The following ZEB1 variants were observed in gnomAD, a reference collection of about 807,000 sequenced individuals.
ZEB1 encodes zinc finger E-box binding homeobox 1.
In ZEB1, 21 loss-of-function variants were observed where a neutral mutation model predicts 84.9. The ratio of observed to expected loss-of-function variants is 0.25; its 90% CI spans 0.18 to 0.36. The LOEUF (loss-of-function observed/expected upper bound fraction) is 0.36. ZEB1 is among the 10% of genes least tolerant of loss of function. The pLI, the probability that ZEB1 is intolerant of heterozygous loss-of-function variation, is 1.00. For missense variants in ZEB1, 1,104 were observed against 1,330.2 expected (o/e 0.83, Z 2.65); for synonymous variants, 420 against 471.1 (o/e 0.89, Z 1.41).
chr10:31,527,172 G>GAT lies in ZEB1; in HGVS notation c.3287_3288dup (p.Asp1097MetfsTer11), dbSNP rs776550101. On this transcript the variant is annotated frameshift_variant, in exon 9 of 9. Coordinates refer to ENST00000424869, the MANE Select transcript of ZEB1 (RefSeq NM_001174096.2). LOFTEE classifies it low-confidence loss of function (END_TRUNC). ...AGCAAAAACTGAAGGTCTGATGAAG[G>GAT]ATGACAGGGCTGAAAGTCAAGCAAG... 6.2e-7 allele frequency: 1 copy of GAT among 1,611,444 alleles called. No individual in the cohort carries two copies. Among genetic ancestry groups the GAT allele is most frequent in the South Asian group, 1.1e-5 (1 of 90,714 alleles).
intron 1 of ZEB1, among the ~76,000 whole-genome samples, chr10:31,460,765 A>T (rs1459333520): frequency 6.6e-6 from 1 of 152,150 alleles, no homozygotes; most frequent in Admixed American, 6.6e-5. Context: ...TAAGGCTGTT[A>T]TAAGATTGTT....
chr10:31,523,599 AT>A (rs1385561355), intron 7 of ZEB1, among the ~76,000 whole-genome samples: 1 of 152,258 alleles, frequency 6.6e-6, no homozygotes, highest in African/African-American at 2.4e-5. Flanking sequence ...TAAAGTAATG[AT>A]TCACATGAAA....
intron 1 of ZEB1, among the ~76,000 whole-genome samples, chr10:31,367,748 T>C (rs141504011): frequency 1.9e-4 from 29 of 152,280 alleles, no homozygotes; most frequent in Non-Finnish European, 3.7e-4. Context: ...CTTATATAAA[T>C]TGAAGTATCA....
intron 1 of ZEB1, chr10:31,389,767 T>G (rs1333717281): frequency 6.6e-6 from 1 of 152,158 alleles, no homozygotes; most frequent in African/African-American, 2.4e-5. Flanking sequence ...TCATTACATT[T>G]TATTTAACCC....
chr10:31,406,464 T>C (rs907139218), intron 1 of ZEB1, among the ~76,000 whole-genome samples: 2 of 151,844 alleles, frequency 1.3e-5, no homozygotes, highest in East Asian at 1.9e-4. Context: ...TTTTTTTTTT[T>C]CATATATTTT....
chr10:31,360,669 A>G (rs1327593188), intron 1 of ZEB1, among the ~76,000 whole-genome samples: 2 of 152,260 alleles, frequency 1.3e-5, no homozygotes, highest in Non-Finnish European at 2.9e-5. Context: ...TGCAAGAAAT[A>G]TATTTTAAAT....
At chr10:31,363,947 G>C (rs767018138) in intron 1 of ZEB1, 2 of 1,297,746 alleles carry the variant, frequency 1.5e-6, no homozygotes, top group Non-Finnish European at 9.9e-7. Context: ...GGGTGAGCCC[G>C]GCCAGCTGGG....
At chr10:31,458,482 G>A (rs954040464) in intron 1 of ZEB1, among the ~76,000 whole-genome samples, 1 of 152,070 alleles carries the variant, frequency 6.6e-6, no homozygotes, top group African/African-American at 2.4e-5. Context: ...CCCACACACG[G>A]ACTTCACTCT....
chr10:31,397,161 T>TATTATG (rs2050915992), intron 1 of ZEB1, among the ~76,000 whole-genome samples: 3 of 60,310 alleles, frequency 5.0e-5, no homozygotes, highest in South Asian at 5.3e-4. Flanking sequence ...TTGGGTTTTT[T>TATTATG]ATTATTATTA....
intron 1 of ZEB1, among the ~76,000 whole-genome samples, chr10:31,379,589 G>A (rs1054316214): frequency 1.3e-5 from 2 of 151,776 alleles, no homozygotes; most frequent in African/African-American, 2.4e-5. Flanking sequence ...GCAGTCTGCC[G>A]TATCTTTTGC....
At chr10:31,328,271 T>A (rs2036025930) in intron 1 of ZEB1, among the ~76,000 whole-genome samples, 1 of 152,166 alleles carries the variant, frequency 6.6e-6, no homozygotes, top group Admixed American at 6.5e-5. Flanking sequence ...AGAGTTTGGG[T>A]TGATCCTGTA....
At chr10:31,390,815 A>G (rs906186427) in intron 1 of ZEB1, among the ~76,000 whole-genome samples, 2 of 152,230 alleles carry the variant, frequency 1.3e-5, no homozygotes, top group African/African-American at 2.4e-5. Flanking sequence ...CAGTTCAGCA[A>G]TCAGTCTCCT....
At chr10:31,501,691 A>G (rs2068154807) in intron 3 of ZEB1, among the ~76,000 whole-genome samples, 1 of 152,106 alleles carries the variant, frequency 6.6e-6, no homozygotes, top group African/African-American at 2.4e-5. Context: ...AAATACTTAT[A>G]TATACTATAC....
intron 1 of ZEB1, among the ~76,000 whole-genome samples, chr10:31,388,953 A>G (rs902723454): frequency 4.6e-5 from 7 of 152,138 alleles, no homozygotes; most frequent in African/African-American, 1.7e-4. Flanking sequence ...CTTGTAATCT[A>G]AGAAGTCTCC....
chr10:31,348,583 G>GA (rs1491067446), intron 1 of ZEB1, among the ~76,000 whole-genome samples: 2 of 150,662 alleles, frequency 1.3e-5, no homozygotes, highest in African/African-American at 2.5e-5. Flanking sequence ...AAAGAAAAAA[G>GA]AAAAAATAGA....
rs1241061378 is a variant in ZEB1, at chr10:31,527,292, T to G, written c.*28T>G. On this transcript the variant is annotated 3_prime_UTR_variant, in exon 9 of 9. Transcript: ENST00000424869. The stretch of plus-strand genomic sequence containing the variant: ...GTTTTTCTAGAAGGAAAATAAATTC[T>G]AATTGATAATGAATTTCGTTCAATA... The G allele has an allele frequency of 6.4e-6, 10 of 1,574,656 alleles. No individual in the cohort carries two copies. In the East Asian group the frequency reaches 2.4e-4, roughly 38 times the overall value.
At chr10:31,393,967 T>C (rs1233703225) in intron 1 of ZEB1, among the ~76,000 whole-genome samples, 1 of 152,206 alleles carries the variant, frequency 6.6e-6, no homozygotes, top group Non-Finnish European at 1.5e-5. Flanking sequence ...TAAGTAAATA[T>C]ATTCAGTCAT....
chr10:31,389,799 C>T (rs552642119), intron 1 of ZEB1: 4 of 152,200 alleles, frequency 2.6e-5, no homozygotes, highest in African/African-American at 9.6e-5. Flanking sequence ...AAATATTATT[C>T]CAACATATAA....
chr10:31,475,027 C>T (rs1376056242), intron 2 of ZEB1, among the ~76,000 whole-genome samples: 1 of 129,048 alleles, frequency 7.7e-6, no homozygotes, highest in Non-Finnish European at 1.5e-5. Context: ...CACATGGACA[C>T]AGGAAGGGGA....
Sources: allele counts gnomAD v4.1 joint callset (sites outside exome capture counted in the v4.1 genomes callset), GRCh38; gene constraint gnomAD v4.1.1; transcripts MANE v1.5; gene names NCBI Gene and HGNC (gene_info 2026-07-23, HGNC 2026-07-21).